Variants in BPTF observed in about 807,000 individuals in gnomAD.
BPTF encodes the protein bromodomain PHD finger transcription factor.
Under a neutral mutation model 292.5 loss-of-function variants are expected in BPTF, and 18 were observed. The observed-to-expected ratio is 0.06, with a 90% CI of 0.04 to 0.09. The LOEUF is 0.09. BPTF is among the 10% of genes least tolerant of loss of function. BPTF has a pLI of 1.00. For missense variants in BPTF, 2,726 were observed against 3,498.7 expected (o/e 0.78, Z 5.57); for synonymous variants, 1,225 against 1,251.9 (o/e 0.98, Z 0.45).
At chr17:67,957,587 T>C (rs1229232237) in intron 23 of BPTF, among the ~76,000 whole-genome samples, 1 of 152,162 alleles carries the variant, frequency 6.6e-6, no homozygotes, top group Admixed American at 6.5e-5. Context: ...AATATTCTTA[T>C]GGCCGGGTGT....
intron 23 of BPTF, among the ~76,000 whole-genome samples, chr17:67,954,837 GGAA>G (rs1776662308): frequency 6.6e-6 from 1 of 152,158 alleles, no homozygotes; most frequent in African/African-American, 2.4e-5. Context: ...TTCTAACCTA[GGAA>G]GAAGTTCAGT....
At chr17:67,840,351 C>A (rs1428563629) in intron 1 of BPTF, among the ~76,000 whole-genome samples, 1 of 152,124 alleles carries the variant, frequency 6.6e-6, no homozygotes, top group African/African-American at 2.4e-5. Flanking sequence ...AAGCAATCCA[C>A]CTGCCTCGGC....
chr17:67,874,870 A>C lies in BPTF; in HGVS notation c.1714A>C (p.Ser572Arg), dbSNP rs747778763. 5.0e-6 allele frequency: 8 copies of C among 1,613,766 alleles called. No individual in the cohort carries two copies. In the East Asian group the frequency reaches 1.6e-4, roughly 32 times the overall value. The change falls in exon 4 of 28, where the codon AGC becomes CGC. Residue 572 changes from serine (S) to arginine (R), a missense_variant. By Grantham distance (110) the Ser-to-Arg change is moderately radical. This residue lies in a region of BPTF where 187 missense variants were observed against 201.5 expected (regional missense o/e 0.93). Coordinates refer to ENST00000306378, the MANE Select transcript of BPTF (RefSeq NM_182641.4). The part of the protein sequence containing the change: ...AKKGDIDNVK[S>R]PEETEKDKNE... ...AAAGGGAGACATTGATAATGTTAAA[A>C]GCCCAGAAGAAACAGAAAAAGACAA...
chr17:67,911,256 G>A lies in BPTF; in HGVS notation c.3372G>A (p.Gln1124=). The part of the protein sequence containing the change: ...GCQSDSMRQE[Q]SPNANNDQPE... ...AGAGTGACTCGATGAGACAAGAACA[G>A]AGCCCAAATGCAAATAATGATCAAC... Residue 1124 remains glutamine, a synonymous_variant, in exon 11 of 28, where the codon CAG becomes CAA. Coordinates refer to ENST00000306378, the MANE Select transcript of BPTF (RefSeq NM_182641.4). 2 of 1,614,026 alleles carry A rather than the reference G, an allele frequency of 1.2e-6. No individual in the cohort carries two copies. The highest frequency in any genetic ancestry group is 1.7e-6 in the Non-Finnish European group (2 of 1,179,994).
At chr17:67,900,647 A>T (rs948939990) in intron 7 of BPTF, among the ~76,000 whole-genome samples, 2 of 152,124 alleles carry the variant, frequency 1.3e-5, no homozygotes, top group Admixed American at 1.3e-4. Flanking sequence ...TACTTTGGGA[A>T]TAAGATTTTC....
chr17:67,929,785 A>G (rs2064205641), intron 17 of BPTF, among the ~76,000 whole-genome samples: 1 of 152,238 alleles, frequency 6.6e-6, no homozygotes, highest in African/African-American at 2.4e-5. Flanking sequence ...TAGACCACCC[A>G]CGGAAGTGTG....
chr17:67,964,769 G>A (rs1225777303), intron 25 of BPTF, among the ~76,000 whole-genome samples: 6 of 152,100 alleles, frequency 3.9e-5, no homozygotes, highest in African/African-American at 9.6e-5. Context: ...GGGAGGCCAA[G>A]GTGGGCGGAT....
At chr17:67,868,182 A>C (rs1461121214) in intron 3 of BPTF, among the ~76,000 whole-genome samples, 1 of 152,142 alleles carries the variant, frequency 6.6e-6, no homozygotes, top group East Asian at 1.9e-4. Context: ...AAATACATAT[A>C]TATCTCAAAA....
chr17:67,909,748 G>A lies in BPTF; in HGVS notation c.2979G>A (p.Glu993=). The change falls in exon 10 of 28, where the codon GAG becomes GAA. Residue 993 remains glutamate, a synonymous_variant. Transcript: ENST00000306378. ...QNEMDISKIT[E]KKDQDVKELL... ...AAATGGATATCTCAAAGATTACTGA[G>A]AAGAAGGACCAAGGTAAGGAGAGTC... 1 of 1,571,648 alleles carries A rather than the reference G, an allele frequency of 6.4e-7. No homozygotes were observed. Among genetic ancestry groups the A allele is most frequent in the African/African-American group, 1.4e-5 (1 of 72,770 alleles).
At chr17:67,940,355 C>CTATT in intron 18 of BPTF, 84 bp from the exon 19 acceptor site, 1 of 1,200,422 alleles carries the variant, frequency 8.3e-7, no homozygotes, top group Non-Finnish European at 1.2e-6. Flanking sequence ...GAAAAGAATA[C>CTATT]GTTCATGTGA....
At chr17:67,898,008 C>A (rs1338205584) in intron 7 of BPTF, among the ~76,000 whole-genome samples, 1 of 152,126 alleles carries the variant, frequency 6.6e-6, no homozygotes, top group Non-Finnish European at 1.5e-5. Context: ...GAAACCATGG[C>A]TGAATTGGCT....
In BPTF at chr17:67,984,270, A is replaced by G. The variant is rs2148725838; in HGVS notation, c.*1982A>G. On this transcript the variant is annotated 3_prime_UTR_variant, in exon 28 of 28. Coordinates refer to ENST00000306378, the MANE Select transcript of BPTF (RefSeq NM_182641.4). ...GCAAGAACTTTCCTACCTGTAGGCA[A>G]TAGATTGCTATGTTTTTAACAAATT... The G allele has an allele frequency of 6.5e-6, 1 of 152,740 alleles. No homozygotes were observed. Among genetic ancestry groups the G allele is most frequent in the East Asian group, 1.9e-4 (1 of 5,190 alleles). The allele number at this position is 152,740 out of a possible 1,614,324, so 9.5% of individuals were successfully genotyped here. A position where few individuals can be genotyped will look rare whatever the true frequency, so the allele number is the denominator to read the frequency against.
intron 13 of BPTF, among the ~76,000 whole-genome samples, chr17:67,922,177 C>T (rs1280514236): frequency 6.6e-6 from 1 of 152,208 alleles, no homozygotes; most frequent in African/African-American, 2.4e-5. Flanking sequence ...CCCCTAAAAT[C>T]ACTTCTCTTT....
intron 2 of BPTF, among the ~76,000 whole-genome samples, chr17:67,859,900 C>G: frequency 6.6e-6 from 1 of 152,106 alleles, no homozygotes; most frequent in East Asian, 1.9e-4. Flanking sequence ...TAAATGCAGA[C>G]CTTTGAAATC....
At position 67,836,623 on chromosome 17, in the gene BPTF, A is replaced by G. The variant is rs182494541; in HGVS notation, c.613+10286A>G. On this transcript the variant is annotated intron_variant, in intron 1 of 27. Coordinates refer to ENST00000306378, the MANE Select transcript of BPTF (RefSeq NM_182641.4). Reference sequence around the variant, plus strand: ...ACTTATTCATAGAGCCTCAAAATACATGAGGACTGATAAAACTCCAAGGAG... The same window carrying G: ...ACTTATTCATAGAGCCTCAAAATACGTGAGGACTGATAAAACTCCAAGGAG... Among the ~76,000 whole-genome samples, 211 of 152,318 alleles carry G rather than the reference A, an allele frequency of 1.4e-3. 1 individual carries two copies. The highest frequency in any genetic ancestry group is 6.8e-3 in the Middle Eastern group (2 of 294).
intron 23 of BPTF, among the ~76,000 whole-genome samples, chr17:67,949,526 G>T (rs1197353044): frequency 6.6e-6 from 1 of 151,086 alleles, no homozygotes; most frequent in Non-Finnish European, 1.5e-5. Context: ...AGTGAGCTGA[G>T]ATCACACCAC....
chr17:67,920,570 A>G (rs1213923098), intron 13 of BPTF, among the ~76,000 whole-genome samples: 1 of 152,246 alleles, frequency 6.6e-6, no homozygotes, highest in East Asian at 1.9e-4. Context: ...TCCAAGAGGC[A>G]TAAAGAGTTA....
rs781804052 is a variant in BPTF at position 67,946,060 on chromosome 17, A to G, written c.7352A>G (p.Gln2451Arg). Residue 2451 changes from glutamine (Q) to arginine (R), a missense_variant, in exon 21 of 28, where the codon CAG becomes CGG. This residue lies in a region of BPTF where 570 missense variants were observed against 633.5 expected (regional missense o/e 0.90). Transcript: ENST00000306378. Reference protein sequence around the residue: ...QVQVLSQIQSQVVAQIQAQQS... With the variant: ...QVQVLSQIQSRVVAQIQAQQS... ...CAGGTTCTCTCTCAGATCCAGTCAC[A>G]GGTTGTGGCTCAGATACAGGCTCAG... is the stretch of plus-strand genomic sequence containing the variant. 2.2e-5 allele frequency: 35 copies of G among 1,614,096 alleles called. No homozygotes were observed. The highest frequency in any genetic ancestry group is 2.8e-5 in the Non-Finnish European group (33 of 1,180,046).
chr17:67,943,216 A>T (rs1028014605), intron 19 of BPTF, among the ~76,000 whole-genome samples: 12 of 152,136 alleles, frequency 7.9e-5, no homozygotes, highest in Non-Finnish European at 1.8e-4. Context: ...TATAATTTTT[A>T]AATTATACTT....
Sources: gnomAD v4.1 joint callset for allele counts (sites outside exome capture counted in the v4.1 genomes callset) on GRCh38, gnomAD v4.1.1 for gene constraint, gnomAD v4.1.1 regional missense constraint, MANE v1.5 for transcripts, NCBI Gene and HGNC (gene_info 2026-07-23, HGNC 2026-07-21) for gene names.